ANKFN1: variants seen among roughly 807,000 people sequenced by gnomAD.
ANKFN1 encodes ankyrin repeat and fibronectin type III domain containing 1.
ANKFN1 carries 74 observed loss-of-function variants against 108.7 expected under a neutral mutation model. The observed-to-expected ratio is 0.68, with a 90% CI of 0.56 to 0.83. ANKFN1 has a LOEUF of 0.83. Among genes scored for constraint, ANKFN1 ranks in the 40% least tolerant of loss-of-function variants. ANKFN1 has a pLI of 0.00. For missense variants in ANKFN1, 1,505 were observed against 1,382.3 expected (o/e 1.09, Z -1.41); for synonymous variants, 547 against 516.2 (o/e 1.06, Z -0.81).
chr17:56,501,868 A>G (rs995867140), intron 20 of ANKFN1, among the ~76,000 whole-genome samples: 2 of 152,224 alleles, frequency 1.3e-5, no homozygotes, highest in African/African-American at 4.8e-5. Flanking sequence ...AAAACCTGAA[A>G]AGCTTCAGTT....
Position 56,193,332 on chromosome 17 carries a change from G to A in ANKFN1, c.-70-19266G>A, listed in dbSNP as rs1247441240. Reference sequence around the variant, plus strand: ...ACGAGTTAGTGGGTGCAGCGCACCAGCATGGCACATGTATACATATGTAAC... The same window carrying A: ...ACGAGTTAGTGGGTGCAGCGCACCAACATGGCACATGTATACATATGTAAC... On this transcript the variant is annotated intron_variant, in intron 1 of 20. Transcript: ENST00000682825. Among the ~76,000 whole-genome samples, 5 of 147,304 alleles carry A rather than the reference G, an allele frequency of 3.4e-5. No individual in the cohort carries two copies. The Admixed American group carries it at 3.4e-4, about 10-fold the overall frequency.
intron 8 of ANKFN1, among the ~76,000 whole-genome samples, chr17:56,435,691 G>T (rs943421335): frequency 6.6e-6 from 1 of 151,886 alleles, no homozygotes; most frequent in Non-Finnish European, 1.5e-5. Flanking sequence ...ACAACTCTAG[G>T]CTTTGAGGCA....
intron 4 of ANKFN1, among the ~76,000 whole-genome samples, chr17:56,135,138 A>C (rs989332691): frequency 6.6e-6 from 1 of 152,222 alleles, no homozygotes; most frequent in Non-Finnish European, 1.5e-5. Flanking sequence ...CTCTGCTATA[A>C]AAAATAAAAT....
chr17:56,275,834 T>C (rs2043914563), intron 3 of ANKFN1, among the ~76,000 whole-genome samples: 1 of 152,176 alleles, frequency 6.6e-6, no homozygotes, highest in South Asian at 2.1e-4. Flanking sequence ...AAGAGATGAA[T>C]AGGGCCTAGA....
At chr17:56,059,890 T>G (rs1459047323) in intron 4 of ANKFN1, among the ~76,000 whole-genome samples, 1 of 152,242 alleles carries the variant, frequency 6.6e-6, no homozygotes, top group African/African-American at 2.4e-5. Flanking sequence ...TCTTTTTGCT[T>G]AGAATTGTCT....
intron 8 of ANKFN1, among the ~76,000 whole-genome samples, chr17:56,399,794 C>A (rs2047694608): frequency 6.6e-6 from 1 of 150,500 alleles, no homozygotes; most frequent in Admixed American, 6.6e-5. Context: ...CAGGTCACTG[C>A]AAATGCTGTT....
intron 3 of ANKFN1, among the ~76,000 whole-genome samples, chr17:56,318,184 T>C (rs1178439074): frequency 6.6e-6 from 1 of 152,178 alleles, no homozygotes; most frequent in African/African-American, 2.4e-5. Flanking sequence ...CAGGGCATTT[T>C]TCTACAAAAC....
rs377625007 is a variant in ANKFN1 at position 56,332,774 on chromosome 17, C to T, written c.188+6419C>T. On this transcript the variant is annotated intron_variant, in intron 4 of 20. Coordinates refer to ENST00000682825, the MANE Select transcript of ANKFN1 (RefSeq NM_001370326.1). Reference sequence around the variant, plus strand: ...ATAGTGTAAGTCTTCCAACTTTGTTCTTCTTTTTCAAAATTGTTTTGGCTA... The same window carrying T: ...ATAGTGTAAGTCTTCCAACTTTGTTTTTCTTTTTCAAAATTGTTTTGGCTA... Among the ~76,000 whole-genome samples, 421 of 152,028 alleles carry T rather than the reference C, an allele frequency of 2.8e-3. 5 individuals are homozygous for T. The highest frequency in any genetic ancestry group is 3.4e-3 in the Middle Eastern group (1 of 294).
rs909868584 is a variant in ANKFN1, at chr17:56,060,187, T to C, written c.288+13862T>C. On this transcript the variant is annotated intron_variant, in intron 4 of 12. Coordinates refer to the ANKFN1 transcript ENST00000635860. ...ATTCCTAGGTATTTTATTCTTTTTG[T>C]AGCAATTGTGAATGGGAGTTCATTC... 2.0e-5 allele frequency among the ~76,000 whole-genome samples: 3 copies of C among 152,300 alleles called. No homozygotes were observed. In the East Asian group the frequency reaches 5.8e-4, roughly 29 times the overall value.
In ANKFN1 at chr17:56,153,526, C is replaced by G; in HGVS notation, c.-75C>G. 1 of 1,614,042 alleles carries G rather than the reference C, an allele frequency of 6.2e-7. No individual in the cohort carries two copies. The highest frequency in any genetic ancestry group is 8.5e-7 in the Non-Finnish European group (1 of 1,179,910). On this transcript the variant is annotated 5_prime_UTR_variant, in exon 1 of 21. Transcript: ENST00000682825. ...GTGTCTCTCATGGAGGCGTCTCTAA[C>G]CAGGGTAGGAAAACAATAGTTCTAA...
At chr17:56,059,345 G>A (rs1279185654) in intron 4 of ANKFN1, among the ~76,000 whole-genome samples, 1 of 152,028 alleles carries the variant, frequency 6.6e-6, no homozygotes, top group African/African-American at 2.4e-5. Context: ...TTTGTCAGAT[G>A]GGCAGCTTGC....
rs1317003631 is a variant in ANKFN1 at position 56,492,169 on chromosome 17, T to G, written c.2261-18T>G. 1 of 691,412 alleles carries G rather than the reference T, an allele frequency of 1.4e-6. No individual in the cohort carries two copies. The highest frequency in any genetic ancestry group is 2.7e-5 in the East Asian group (1 of 36,954). The allele number at this position is 691,412 out of a possible 1,614,324, so 42.8% of individuals were successfully genotyped here. Reference sequence around the variant, plus strand: ...TACCAGATCTTAACATGTTTTATTTTGCTTGTCCATTTTCCAGTTCATTTT... The same window carrying G: ...TACCAGATCTTAACATGTTTTATTTGGCTTGTCCATTTTCCAGTTCATTTT... On this transcript the variant is annotated intron_variant, in intron 18 of 20. Coordinates refer to ENST00000682825, the MANE Select transcript of ANKFN1 (RefSeq NM_001370326.1).
intron 3 of ANKFN1, among the ~76,000 whole-genome samples, chr17:56,274,794 T>C (rs1332574290): frequency 6.6e-6 from 1 of 152,188 alleles, no homozygotes; most frequent in Non-Finnish European, 1.5e-5. Flanking sequence ...TATTCATTCA[T>C]TCAGCCAGAG....
chr17:56,085,760 C>A (rs557971149), intron 4 of ANKFN1, among the ~76,000 whole-genome samples: 3 of 151,388 alleles, frequency 2.0e-5, no homozygotes, highest in Non-Finnish European at 4.4e-5. Context: ...CAAGGTGGTT[C>A]TTTCTGCTCA....
rs527264929 is a variant in ANKFN1, at chr17:56,234,076, G to A, written c.53+6119G>A. Among the ~76,000 whole-genome samples, 18 of 152,024 alleles carry A rather than the reference G, an allele frequency of 1.2e-4. No homozygotes were observed. In the East Asian group the frequency reaches 2.1e-3, roughly 18 times the overall value. ...TAACATTCTCATCACTTTCTTAAACGTAGACAATCAACAAAACAATAAATC... is the reference window on the plus strand; with the variant it reads ...TAACATTCTCATCACTTTCTTAAACATAGACAATCAACAAAACAATAAATC... On this transcript the variant is annotated intron_variant, in intron 3 of 20. Coordinates refer to ENST00000682825, the MANE Select transcript of ANKFN1 (RefSeq NM_001370326.1).
intron 4 of ANKFN1, among the ~76,000 whole-genome samples, chr17:56,094,522 CAGG>C (rs1905486119): frequency 1.3e-5 from 1 of 74,484 alleles, no homozygotes; most frequent in Non-Finnish European, 2.1e-5. Context: ...GTTTTGTCGC[CAGG>C]CTGCCAGGCT....
intron 4 of ANKFN1, among the ~76,000 whole-genome samples, chr17:56,129,507 G>GATAT (rs1487275355): frequency 2.0e-5 from 3 of 151,396 alleles, no homozygotes; most frequent in Admixed American, 2.0e-4. Context: ...AAAGTACAAT[G>GATAT]ATATATATTT....
At chr17:56,144,223 C>T (rs1908119593) in intron 4 of ANKFN1, among the ~76,000 whole-genome samples, 1 of 143,594 alleles carries the variant, frequency 7.0e-6, no homozygotes, top group Non-Finnish European at 1.5e-5. Context: ...AAAAGGACCA[C>T]AGAAATTCTC....
chr17:56,137,598 C>T lies in ANKFN1; in HGVS notation c.289-90319C>T, dbSNP rs557932770. On this transcript the variant is annotated intron_variant, in intron 4 of 12. Coordinates refer to the ANKFN1 transcript ENST00000635860. ...GGTAGGAACAGCAGAAGAATTTAGA[C>T]CTGTAAATAATGAGTCATATACTAG... 3.9e-5 allele frequency among the ~76,000 whole-genome samples: 6 copies of T among 152,068 alleles called. No individual in the cohort carries two copies. The South Asian group carries it at 1.2e-3, about 32-fold the overall frequency.
Sources: allele counts gnomAD v4.1 joint callset (sites outside exome capture counted in the v4.1 genomes callset), GRCh38; gene constraint gnomAD v4.1.1; transcripts MANE v1.5; gene names NCBI Gene and HGNC (gene_info 2026-07-23, HGNC 2026-07-21).